Variants in CSMD3 observed in about 807,000 individuals in gnomAD.
CSMD3 encodes the protein CUB and sushi domain-containing protein 3.
In CSMD3, 177 loss-of-function variants were observed where a neutral mutation model predicts 435.2. The observed-to-expected ratio is 0.41, with a 90% confidence interval of 0.36 to 0.46. The LOEUF (loss-of-function observed/expected upper bound fraction) is 0.46, where lower values mean the gene tolerates loss of function less well. Ranked by LOEUF, CSMD3 falls within the 20% of genes least tolerant of loss-of-function variation. The pLI is 0.34. For missense variants in CSMD3, 4,265 were observed against 4,504.6 expected (o/e 0.95, Z 1.52); for synonymous variants, 1,656 against 1,520.5 (o/e 1.09, Z -2.07).
intron 2 of CSMD3, among the ~76,000 whole-genome samples, chr8:113,294,313 A>G (rs1340424992): frequency 6.6e-6 from 1 of 152,102 alleles, no homozygotes; most frequent in African/African-American, 2.4e-5. Context: ...ACCAGTTATT[A>G]AGTTTCTACT....
At chr8:113,296,202 C>T (rs1213981641) in intron 2 of CSMD3, among the ~76,000 whole-genome samples, 4 of 151,448 alleles carry the variant, frequency 2.6e-5, no homozygotes, top group East Asian at 2.0e-4. Context: ...ATGTAAATGA[C>T]GAGTTAATGG....
intron 13 of CSMD3, among the ~76,000 whole-genome samples, chr8:112,799,695 T>A (rs1484475796): frequency 6.6e-6 from 1 of 151,970 alleles, no homozygotes; most frequent in South Asian, 2.1e-4. Flanking sequence ...GACACTGGGA[T>A]GGGCAAAAGC....
chr8:112,774,112 G>C (rs747976719), intron 13 of CSMD3, among the ~76,000 whole-genome samples: 14 of 151,846 alleles, frequency 9.2e-5, no homozygotes, highest in Non-Finnish European at 1.6e-4. Flanking sequence ...AAATTTATCT[G>C]CATCAAATTC....
intron 3 of CSMD3, among the ~76,000 whole-genome samples, chr8:113,216,615 A>C (rs187797821): frequency 3.4e-4 from 52 of 152,114 alleles, no homozygotes; most frequent in Middle Eastern, 3.4e-3. Flanking sequence ...AAACAATATA[A>C]GTCAAGGTTT....
chr8:112,611,821 T>TA (rs1163748137), intron 22 of CSMD3, among the ~76,000 whole-genome samples: 1 of 152,150 alleles, frequency 6.6e-6, no homozygotes, highest in Non-Finnish European at 1.5e-5. Flanking sequence ...TAAAACAAAA[T>TA]ATATTCAAAT....
chr8:113,065,646 C>T (rs1288564062), intron 5 of CSMD3, among the ~76,000 whole-genome samples: 2 of 151,926 alleles, frequency 1.3e-5, no homozygotes, highest in Non-Finnish European at 1.5e-5. Context: ...CCTCGTGCTC[C>T]CGAAGTGCTG....
At chr8:113,170,593 C>T (rs1185184664) in intron 4 of CSMD3, among the ~76,000 whole-genome samples, 1 of 152,038 alleles carries the variant, frequency 6.6e-6, no homozygotes, top group Non-Finnish European at 1.5e-5. Flanking sequence ...ATCAAGATTC[C>T]TAGCTTACTC....
chr8:113,277,967 A>G (rs2093584414), intron 3 of CSMD3, among the ~76,000 whole-genome samples: 1 of 151,918 alleles, frequency 6.6e-6, no homozygotes, highest in African/African-American at 2.4e-5. Flanking sequence ...ATATTTTCCT[A>G]GTGATATGTA....
chr8:112,647,266 C>CTCAGAGAT (rs1305196098), intron 19 of CSMD3, among the ~76,000 whole-genome samples: 1 of 150,796 alleles, frequency 6.6e-6, no homozygotes, highest in Non-Finnish European at 1.5e-5. Context: ...CCTTTATTTT[C>CTCAGAGAT]TCAGAGATTC....
intron 43 of CSMD3, among the ~76,000 whole-genome samples, chr8:112,337,151 T>C (rs1023811167): frequency 1.3e-5 from 2 of 152,198 alleles, no homozygotes; most frequent in Middle Eastern, 3.2e-3. Flanking sequence ...TATGTGTACA[T>C]ATAAGGCCTT....
intron 45 of CSMD3, among the ~76,000 whole-genome samples, chr8:112,324,675 A>C (rs185251111): frequency 2.6e-5 from 4 of 152,130 alleles, no homozygotes; most frequent in African/African-American, 9.6e-5. Flanking sequence ...GGGCTAAATC[A>C]GACAGGATTG....
chr8:113,066,129 G>GAAAAAAAAAAAAAA (rs532343282), intron 5 of CSMD3, among the ~76,000 whole-genome samples: 12 of 48,980 alleles, frequency 2.4e-4, no homozygotes, highest in Admixed American at 4.2e-4. Flanking sequence ...CCAAGAAAAA[G>GAAAAAAAAAAAAAA]AAAAAAAAAA....
intron 13 of CSMD3, among the ~76,000 whole-genome samples, chr8:112,796,496 A>G (rs1030800701): frequency 6.6e-6 from 1 of 152,066 alleles, no homozygotes; most frequent in African/African-American, 2.4e-5. Context: ...AAATAATTGG[A>G]ATATGCAAGG....
At chr8:113,149,780 A>G (rs2091763067) in intron 4 of CSMD3, among the ~76,000 whole-genome samples, 1 of 151,926 alleles carries the variant, frequency 6.6e-6, no homozygotes, top group South Asian at 2.1e-4. Flanking sequence ...AAAGGTTCCT[A>G]GAATCTCCAA....
chr8:112,241,575 C>G, intron 66 of CSMD3, 145 bp downstream of exon 66: 1 of 644,946 alleles, frequency 1.6e-6, no homozygotes, highest in Non-Finnish European at 2.8e-6. Context: ...GCTTTAAATT[C>G]AACATCTTGT....
At chr8:113,026,931 T>A (rs2131214616) in intron 5 of CSMD3, among the ~76,000 whole-genome samples, 1 of 152,268 alleles carries the variant, frequency 6.6e-6, no homozygotes, top group African/African-American at 2.4e-5. Flanking sequence ...ATGTTCTAAA[T>A]TATAAGAAGC....
At chr8:113,242,624 T>C (rs925611374) in intron 3 of CSMD3, among the ~76,000 whole-genome samples, 1 of 152,026 alleles carries the variant, frequency 6.6e-6, no homozygotes, top group South Asian at 2.1e-4. Context: ...GGTAACAGAA[T>C]GGACTTAAAG....
chr8:113,412,603 G>A (rs2094564387), intron 1 of CSMD3, among the ~76,000 whole-genome samples: 1 of 151,932 alleles, frequency 6.6e-6, no homozygotes. Context: ...TGCTGGGGAG[G>A]GTTATTCTTT....
chr8:112,471,207 A>G (rs1818487894), intron 32 of CSMD3, among the ~76,000 whole-genome samples: 1 of 152,164 alleles, frequency 6.6e-6, no homozygotes. Context: ...AGAACAGAGT[A>G]TAATACGATA....
Sources: allele counts gnomAD v4.1 joint callset (sites outside exome capture counted in the v4.1 genomes callset), GRCh38; gene constraint gnomAD v4.1.1; transcripts MANE v1.5; gene names NCBI Gene and HGNC (gene_info 2026-07-23, HGNC 2026-07-21).